SNX29: variants seen among roughly 807,000 people sequenced by gnomAD.
The protein encoded by SNX29 is sorting nexin 29.
In SNX29, 78 loss-of-function variants were observed where a neutral mutation model predicts 102.1. The observed-to-expected ratio is 0.76, with a 90% CI of 0.64 to 0.92. The LOEUF is 0.92. Ranked by LOEUF, SNX29 falls within the 40% of genes least tolerant of loss-of-function variation. SNX29 has a pLI of 0.00. For synonymous variants in SNX29, 580 were observed against 414.5 expected, an observed-to-expected ratio of 1.40 and a Z score of -4.85; for missense variants, 1,280 against 1,061.7, an observed-to-expected ratio of 1.21 and a Z score of -2.86.
chr16:12,141,044 G>C (rs1567243336), intron 13 of SNX29, among the ~76,000 whole-genome samples: 1 of 152,222 alleles, frequency 6.6e-6, no homozygotes. Flanking sequence ...AAAACATGCT[G>C]ACGCTAAGTG....
Position 12,211,363 on chromosome 16 carries a change from G to A in SNX29, c.1678+11680G>A, listed in dbSNP as rs147457125. 4.6e-5 allele frequency among the ~76,000 whole-genome samples: 7 copies of A among 152,292 alleles called. No homozygotes were observed. In the East Asian group the frequency reaches 9.6e-4, roughly 21 times the overall value. On this transcript the variant is annotated intron_variant, in intron 14 of 20. Transcript: ENST00000566228. Reference sequence around the variant, plus strand: ...AATCCCTGGCTGACAGATAACAGAAGCTCTGTTCATTGGGTACCTGTAACG... The same window carrying A: ...AATCCCTGGCTGACAGATAACAGAAACTCTGTTCATTGGGTACCTGTAACG...
chr16:12,523,422 G>T (rs555070833), intron 19 of SNX29, among the ~76,000 whole-genome samples: 1 of 152,144 alleles, frequency 6.6e-6, no homozygotes, highest in Non-Finnish European at 1.5e-5. Flanking sequence ...CTTGGTCTTC[G>T]GTCCAGAAGG....
In SNX29 at chr16:12,378,598, G is replaced by A. The variant is rs192183736; in HGVS notation, c.1900-19848G>A. Among the ~76,000 whole-genome samples the A allele has an allele frequency of 2.2e-3, 333 of 152,270 alleles. 1 individual carries two copies. The highest frequency in any genetic ancestry group is 7.2e-3 in the African/African-American group (299 of 41,552). On this transcript the variant is annotated intron_variant, in intron 16 of 20. Transcript: ENST00000566228. Reference sequence around the variant, plus strand: ...TGAGAGGTGGAGGTTGCAGTGAGCCGAGAGGGCTCGGTCCCCAGCACCCAA... The same window carrying A: ...TGAGAGGTGGAGGTTGCAGTGAGCCAAGAGGGCTCGGTCCCCAGCACCCAA...
At chr16:12,468,962 A>G (rs567962300) in intron 18 of SNX29, among the ~76,000 whole-genome samples, 2 of 152,368 alleles carry the variant, frequency 1.3e-5, no homozygotes, top group South Asian at 2.1e-4. Context: ...CAGAGACAGT[A>G]GAGCATGGGC....
At chr16:12,539,944 A>C (rs966200863) in intron 20 of SNX29, among the ~76,000 whole-genome samples, 32 of 152,170 alleles carry the variant, frequency 2.1e-4, no homozygotes, top group African/African-American at 6.0e-4. Flanking sequence ...TAGATGCAAG[A>C]CCTTTGTCGA....
chr16:12,236,569 ACT>A (rs2077940562), intron 14 of SNX29, among the ~76,000 whole-genome samples: 1 of 151,784 alleles, frequency 6.6e-6, no homozygotes, highest in Non-Finnish European at 1.5e-5. Context: ...CTCTGGAAAG[ACT>A]CTGTGGGTCC....
rs147355076 is a variant in SNX29, at chr16:12,307,143, G to C, written c.1782+29107G>C. ...TATTTTAGCAATGGATTTCAGAATAGTGCTCTGTCAACTGGAATGGCTTTG... is the reference window on the plus strand; with the variant it reads ...TATTTTAGCAATGGATTTCAGAATACTGCTCTGTCAACTGGAATGGCTTTG... On this transcript the variant is annotated intron_variant, in intron 15 of 20. Transcript: ENST00000566228. Among the ~76,000 whole-genome samples, 12 of 152,274 alleles carry C rather than the reference G, an allele frequency of 7.9e-5. No individual in the cohort carries two copies. The South Asian group carries it at 8.3e-4, about 11-fold the overall frequency.
At chr16:12,076,377 T>C (rs1212460847) in intron 10 of SNX29, among the ~76,000 whole-genome samples, 1 of 151,554 alleles carries the variant, frequency 6.6e-6, no homozygotes, top group Admixed American at 6.6e-5. Context: ...CTTGGCTCAC[T>C]GCAACATCCG....
intron 13 of SNX29, among the ~76,000 whole-genome samples, chr16:12,138,666 CA>C (rs1327774273): frequency 2.6e-5 from 4 of 152,076 alleles, no homozygotes; most frequent in African/African-American, 7.2e-5. Flanking sequence ...ACATGTCTTT[CA>C]AAAATTAACA....
rs140316578 is a variant in SNX29 at position 12,573,933 on chromosome 16, A to C, written c.*5304A>C. ...CTGACACCGACTTCTTAGAGAAGCG[A>C]GTCTTTTTTGAATGGAGGAGCGATG... On this transcript the variant is annotated 3_prime_UTR_variant, in exon 21 of 21. Coordinates refer to ENST00000566228, the MANE Select transcript of SNX29 (RefSeq NM_032167.5). 1 of 200,950 alleles carries C rather than the reference A, an allele frequency of 5.0e-6. No individual in the cohort carries two copies. The highest frequency in any genetic ancestry group is 1.0e-5 in the Non-Finnish European group (1 of 97,468). 12.4% of individuals were successfully genotyped at this position (200,950 alleles called of 1,614,324 possible).
intron 20 of SNX29, among the ~76,000 whole-genome samples, chr16:12,536,043 T>G (rs572367874): frequency 1.3e-5 from 2 of 152,146 alleles, no homozygotes; most frequent in African/African-American, 4.8e-5. Context: ...TGATTGCCCA[T>G]GAGCTGAGCC....
At chr16:12,534,121 CCAGGACAGCTCCAACACCAGGCCT>C (rs1319995550) in intron 20 of SNX29, among the ~76,000 whole-genome samples, 3 of 152,222 alleles carry the variant, frequency 2.0e-5, no homozygotes, top group Non-Finnish European at 4.4e-5. Flanking sequence ...AAGGTGCTAA[CCAGGACAGCTCCAACACCAGGCCT>C]CAGGGCAGCG....
chr16:12,400,359 T>C (rs12325453), intron 17 of SNX29, among the ~76,000 whole-genome samples: 5,481 of 152,264 alleles, frequency 0.036, 254 homozygotes, highest in African/African-American at 0.1. Context: ...TACACAGCAT[T>C]GCCTCTGTGC....
At chr16:12,351,330 C>G (rs1449819583) in intron 15 of SNX29, among the ~76,000 whole-genome samples, 1 of 152,182 alleles carries the variant, frequency 6.6e-6, no homozygotes, top group African/African-American at 2.4e-5. Flanking sequence ...CCAGAGTAAA[C>G]TGGGCCTGAA....
chr16:12,144,073 C>T (rs1019621161), intron 13 of SNX29, among the ~76,000 whole-genome samples: 1 of 152,106 alleles, frequency 6.6e-6, no homozygotes, highest in African/African-American at 2.4e-5. Flanking sequence ...GGCCTGCTAT[C>T]CTGGAGTTCT....
chr16:12,304,488 A>T (rs1259313775), intron 15 of SNX29, among the ~76,000 whole-genome samples: 1 of 152,192 alleles, frequency 6.6e-6, no homozygotes, highest in Non-Finnish European at 1.5e-5. Context: ...TTGAAATAGA[A>T]TCTTTGGCTG....
intron 20 of SNX29, among the ~76,000 whole-genome samples, chr16:12,549,175 T>G (rs956465897): frequency 2.7e-4 from 41 of 152,060 alleles, no homozygotes; most frequent in Non-Finnish European, 2.9e-5. Flanking sequence ...GTTCATGGAG[T>G]GTCTGCAGGG....
At chr16:12,313,842 C>T (rs1401529716) in intron 15 of SNX29, among the ~76,000 whole-genome samples, 1 of 152,226 alleles carries the variant, frequency 6.6e-6, no homozygotes. Context: ...CAATGGCTTC[C>T]TATAACATAG....
At chr16:12,078,580 C>G (rs2051703342) in intron 10 of SNX29, among the ~76,000 whole-genome samples, 1 of 152,198 alleles carries the variant, frequency 6.6e-6, no homozygotes, top group Non-Finnish European at 1.5e-5. Flanking sequence ...AATTATTGGC[C>G]TCTGCACGTG....
Sources: gnomAD v4.1 joint callset for allele counts (sites outside exome capture counted in the v4.1 genomes callset) on GRCh38, gnomAD v4.1.1 for gene constraint, MANE v1.5 for transcripts, NCBI Gene and HGNC (gene_info 2026-07-23, HGNC 2026-07-21) for gene names.